HECW2: variants seen among roughly 807,000 people sequenced by gnomAD.
HECW2 encodes E3 ubiquitin-protein ligase HECW2.
HECW2 carries 61 observed loss-of-function variants against 175.2 expected under a neutral mutation model. The ratio of observed to expected loss-of-function variants is 0.35; its 90% CI spans 0.28 to 0.43. The LOEUF (loss-of-function observed/expected upper bound fraction) is 0.43, where lower values mean the gene tolerates loss of function less well. HECW2 is among the 20% of genes least tolerant of loss of function. The pLI is 1.00. For missense variants in HECW2, 1,524 were observed against 2,000.5 expected (o/e 0.76, Z 4.54); for synonymous variants, 671 against 731.0 (o/e 0.92, Z 1.32).
intron 1 of HECW2, among the ~76,000 whole-genome samples, chr2:196,492,406 G>A (rs572418940): frequency 6.6e-6 from 1 of 152,236 alleles, no homozygotes; most frequent in African/African-American, 2.4e-5. Flanking sequence ...ACAAACCACA[G>A]GGAAAATGCC....
intron 2 of HECW2, among the ~76,000 whole-genome samples, chr2:196,419,646 T>A (rs1422482933): frequency 1.3e-5 from 2 of 152,236 alleles, no homozygotes; most frequent in African/African-American, 4.8e-5. Context: ...GATTCATTTT[T>A]TATCCTATTG....
At chr2:196,360,786 G>A (rs1362511041) in intron 2 of HECW2, among the ~76,000 whole-genome samples, 1 of 152,052 alleles carries the variant, frequency 6.6e-6, no homozygotes, top group Non-Finnish European at 1.5e-5. Context: ...CTCTCTGTGG[G>A]TCCCTCCCCA....
chr2:196,431,389 A>G (rs1259803080), intron 2 of HECW2, among the ~76,000 whole-genome samples: 1 of 152,226 alleles, frequency 6.6e-6, no homozygotes, highest in Admixed American at 6.5e-5. Flanking sequence ...TTTTTAAGTG[A>G]TTCTAGCAGT....
chr2:196,310,003 C>T (rs1349184308), intron 10 of HECW2, among the ~76,000 whole-genome samples: 1 of 152,176 alleles, frequency 6.6e-6, no homozygotes, highest in Non-Finnish European at 1.5e-5. Context: ...TGAAATATGA[C>T]TATGGCTTGC....
intron 1 of HECW2, among the ~76,000 whole-genome samples, chr2:196,519,806 A>G (rs1485876369): frequency 2.0e-5 from 3 of 152,240 alleles, no homozygotes; most frequent in African/African-American, 7.2e-5. Flanking sequence ...TACGAGAACT[A>G]TATGAATCAT....
intron 2 of HECW2, among the ~76,000 whole-genome samples, chr2:196,404,973 C>CT (rs1694925369): frequency 6.7e-6 from 1 of 149,948 alleles, no homozygotes; most frequent in Non-Finnish European, 1.5e-5. Flanking sequence ...TACAGGTGTC[C>CT]GCCACCACTC....
intron 24 of HECW2, 103 bp from the exon 25 acceptor site, chr2:196,221,044 C>T: frequency 8.1e-7 from 1 of 1,241,486 alleles, no homozygotes. Flanking sequence ...TGTCCCAGCC[C>T]TGCCCTAGGC....
intron 19 of HECW2, among the ~76,000 whole-genome samples, chr2:196,246,449 G>A (rs528339929): frequency 4.6e-5 from 7 of 152,128 alleles, no homozygotes; most frequent in East Asian, 1.9e-4. Flanking sequence ...GCAGTGGCAC[G>A]ATCTCGGGCA....
chr2:196,584,989 G>A (rs1394087405), intron 1 of HECW2, among the ~76,000 whole-genome samples: 2 of 152,012 alleles, frequency 1.3e-5, no homozygotes, highest in African/African-American at 4.8e-5. Flanking sequence ...TTAATTTATG[G>A]TCAATGTGGA....
chr2:196,506,857 T>C (rs896486718), intron 1 of HECW2, among the ~76,000 whole-genome samples: 9 of 152,168 alleles, frequency 5.9e-5, no homozygotes, highest in African/African-American at 1.9e-4. Flanking sequence ...GGACCACATT[T>C]GGAAAAACAC....
chr2:196,471,730 C>G (rs537314548), intron 1 of HECW2, among the ~76,000 whole-genome samples: 1 of 152,198 alleles, frequency 6.6e-6, no homozygotes, highest in East Asian at 1.9e-4. Context: ...AAACCAAATA[C>G]TACATGTTCT....
intron 1 of HECW2, among the ~76,000 whole-genome samples, chr2:196,576,716 CA>C (rs893517976): frequency 1.3e-5 from 2 of 151,398 alleles, no homozygotes; most frequent in African/African-American, 4.8e-5. Flanking sequence ...GTTCTCACCA[CA>C]AAAAAAAGAT....
intron 13 of HECW2, among the ~76,000 whole-genome samples, chr2:196,304,401 C>A (rs1340688924): frequency 6.6e-6 from 1 of 152,112 alleles, no homozygotes; most frequent in Non-Finnish European, 1.5e-5. Context: ...CCACCTCATC[C>A]CCAAGTAACT....
chr2:196,323,909 TTTTTTG>T lies in HECW2; in HGVS notation c.741+1065_741+1070del, dbSNP rs1559041855. The stretch of plus-strand genomic sequence containing the variant: ...GGCATGCCCTTAAGAGTTTTTTTTG[TTTTTTG>T]TTTGTTTTTTTTTTTTTTTTTTACC... On this transcript the variant is annotated intron_variant, in intron 6 of 28. Coordinates refer to ENST00000644978, the MANE Select transcript of HECW2 (RefSeq NM_001348768.2). Among the ~76,000 whole-genome samples, 597 of 80,670 alleles carry T rather than the reference TTTTTTG, an allele frequency of 7.4e-3. 7 individuals carry two copies. The highest frequency in any genetic ancestry group is 0.039 in the African/African-American group (565 of 14,422). 52.9% of individuals were successfully genotyped at this position (80,670 alleles called of 152,430 possible).
chr2:196,211,875 C>A (rs1317098217), intron 28 of HECW2, among the ~76,000 whole-genome samples: 1 of 152,116 alleles, frequency 6.6e-6, no homozygotes, highest in East Asian at 1.9e-4. Context: ...CAGAGTCTTG[C>A]TCTGTCGCCC....
chr2:196,410,752 T>C (rs1464201799), intron 2 of HECW2, among the ~76,000 whole-genome samples: 3 of 152,130 alleles, frequency 2.0e-5, no homozygotes, highest in Non-Finnish European at 2.9e-5. Context: ...GAACTTCAGT[T>C]CTCCTTTTAA....
chr2:196,544,070 CAA>C (rs1050585838), intron 1 of HECW2, among the ~76,000 whole-genome samples: 4 of 152,174 alleles, frequency 2.6e-5, no homozygotes, highest in Admixed American at 6.5e-5. Context: ...ATGAAGGAGG[CAA>C]AGTGACTACC....
intron 21 of HECW2, among the ~76,000 whole-genome samples, chr2:196,230,503 C>G (rs1688012076): frequency 6.6e-6 from 1 of 152,162 alleles, no homozygotes; most frequent in African/African-American, 2.4e-5. Context: ...CTCTCCCTTT[C>G]CCACTCCTGA....
At chr2:196,233,295 T>G (rs60520193) in intron 21 of HECW2, among the ~76,000 whole-genome samples, 1 of 152,186 alleles carries the variant, frequency 6.6e-6, no homozygotes, top group African/African-American at 2.4e-5. Flanking sequence ...AGGGTGGCCA[T>G]GTAGTCTGGA....
Sources: gnomAD v4.1 joint callset for allele counts (sites outside exome capture counted in the v4.1 genomes callset) on GRCh38, gnomAD v4.1.1 for gene constraint, MANE v1.5 for transcripts, NCBI Gene and HGNC (gene_info 2026-07-23, HGNC 2026-07-21) for gene names.